Variants in DENND2A observed in about 807,000 individuals in gnomAD.
The protein encoded by DENND2A is DENN domain containing 2A.
In DENND2A, 53 loss-of-function variants were observed where a neutral mutation model predicts 105.3. The observed-to-expected ratio is 0.50, with a 90% CI of 0.40 to 0.63. The LOEUF is 0.63. Among genes scored for constraint, DENND2A ranks in the 30% least tolerant of loss-of-function variants. The pLI is 0.00. For synonymous variants in DENND2A, 522 were observed against 508.4 expected (o/e 1.03, Z -0.36); for missense variants, 1,138 against 1,279.6 (o/e 0.89, Z 1.69).
At chr7:140,520,803 C>T (rs1010163232) in intron 18 of DENND2A, among the ~76,000 whole-genome samples, 4 of 151,848 alleles carry the variant, frequency 2.6e-5, no homozygotes, top group African/African-American at 9.7e-5. Flanking sequence ...AGGTGATCTG[C>T]CCGCCTCGGC....
intron 14 of DENND2A, among the ~76,000 whole-genome samples, chr7:140,528,820 A>C (rs1315698853): frequency 6.6e-6 from 1 of 151,040 alleles, no homozygotes; most frequent in African/African-American, 2.4e-5. Context: ...ATTTTTAAAA[A>C]TAATAACATT....
At chr7:140,613,421 T>C (rs1270350565) in intron 1 of DENND2A, among the ~76,000 whole-genome samples, 1 of 151,180 alleles carries the variant, frequency 6.6e-6, no homozygotes, top group Non-Finnish European at 1.5e-5. Context: ...GCACCTGTAG[T>C]CCCAGCTACT....
intron 1 of DENND2A, among the ~76,000 whole-genome samples, chr7:140,613,276 A>C (rs1189304837): frequency 6.6e-6 from 1 of 152,030 alleles, no homozygotes; most frequent in African/African-American, 2.4e-5. Flanking sequence ...GCAGTGGCTC[A>C]CGCCTGTAAT....
Position 140,544,702 on chromosome 7 carries a change from G to A in DENND2A, c.2243C>T (p.Ser748Phe), listed in dbSNP as rs747537181. The change falls in exon 14 of 20, where the codon TCC becomes TTC. Residue 748 changes from serine (S) to phenylalanine (F), a missense_variant. Ser to Phe is a radical substitution (Grantham distance 155). Coordinates refer to ENST00000496613, the MANE Select transcript of DENND2A (RefSeq NM_015689.5). ...GACCAGGTGGCGGACGCTGAGGGAG[G>A]AGAAGAGAGACTCAAAGTCCACGTG... ...LEHVDFESLF[S>F]SLSVRHLVCV... is the part of the protein sequence containing the mutation. 1.2e-6 allele frequency: 2 copies of A among 1,613,232 alleles called. No individual in the cohort carries two copies. Among genetic ancestry groups the A allele is most frequent in the East Asian group, 2.2e-5 (1 of 44,850 alleles).
chr7:140,524,528 G>GCA (rs1554458490), intron 16 of DENND2A, among the ~76,000 whole-genome samples: 5 of 151,898 alleles, frequency 3.3e-5, no homozygotes, highest in East Asian at 1.9e-4. Flanking sequence ...ACGTGCGTGC[G>GCA]CGCACACACG....
In DENND2A at chr7:140,518,532, C is replaced by T. The variant is rs114080575; in HGVS notation, c.*175G>A. The T allele has an allele frequency of 2.3e-3, 1,245 of 542,256 alleles. 10 individuals carry two copies. Among genetic ancestry groups the T allele is most frequent in the African/African-American group, 0.02 (1,020 of 51,306 alleles). 33.6% of individuals were successfully genotyped at this position (542,256 alleles called of 1,614,324 possible). ...CGGGCTCCCTTTCTGGGGCTGTCCT[C>T]CCAGGCGGCTCCCAGGTCCTCATCC... On this transcript the variant is annotated 3_prime_UTR_variant, in exon 20 of 20. Coordinates refer to ENST00000496613, the MANE Select transcript of DENND2A (RefSeq NM_015689.5).
Position 140,568,775 on chromosome 7 carries a change from C to T in DENND2A, c.1579G>A (p.Glu527Lys). Residue 527 changes from glutamate (E) to lysine (K), a missense_variant, in exon 8 of 20, where the codon GAG becomes AAG. Glu to Lys is a moderately conservative substitution (Grantham distance 56). Around this residue, in one of 2 missense-constraint regions of DENND2A, gnomAD observed 627 missense variants for 779.8 expected, o/e 0.80. Transcript: ENST00000496613. Reference sequence around the variant, plus strand: ...TGGCTCTCCTCACCTTTCAGCTTCTCCTCTGTGTCACTGTCAGACTCACTG... The same window carrying T: ...TGGCTCTCCTCACCTTTCAGCTTCTTCTCTGTGTCACTGTCAGACTCACTG... ...ENSESDSDTE[E>K]KLKAHSQRLV... 1 of 1,614,186 alleles carries T rather than the reference C, an allele frequency of 6.2e-7. No homozygotes were observed. The highest frequency in any genetic ancestry group is 8.5e-7 in the Non-Finnish European group (1 of 1,180,024).
chr7:140,556,998 C>A (rs1175399599), intron 11 of DENND2A, among the ~76,000 whole-genome samples: 2 of 152,008 alleles, frequency 1.3e-5, no homozygotes, highest in African/African-American at 4.8e-5. Context: ...TCCTTAGCAA[C>A]CATTCTGAAT....
chr7:140,569,767 G>T, intron 6 of DENND2A, 29 bp from the exon 7 acceptor site: 2 of 1,499,028 alleles, frequency 1.3e-6, no homozygotes, highest in Non-Finnish European at 1.9e-6. Flanking sequence ...AGAACAGCCA[G>T]TGTTAGCAGC....
intron 1 of DENND2A, among the ~76,000 whole-genome samples, chr7:140,639,278 G>A (rs535203687): frequency 2.5e-5 from 3 of 121,622 alleles, no homozygotes; most frequent in East Asian, 3.9e-4. Flanking sequence ...CTTGAACTCC[G>A]GGGGCTGAGG....
chr7:140,626,641 G>A (rs1450975723), intron 1 of DENND2A, among the ~76,000 whole-genome samples: 1 of 152,098 alleles, frequency 6.6e-6, no homozygotes, highest in Non-Finnish European at 1.5e-5. Context: ...TTGCCTTCCT[G>A]TCCTCCTCTT....
At chr7:140,632,414 C>T (rs1800763447) in intron 1 of DENND2A, among the ~76,000 whole-genome samples, 2 of 152,112 alleles carry the variant, frequency 1.3e-5, no homozygotes, top group Admixed American at 6.6e-5. Context: ...GGTACCAAAT[C>T]ACTTCTGGCT....
intron 18 of DENND2A, among the ~76,000 whole-genome samples, chr7:140,520,338 C>G (rs1037114508): frequency 6.6e-6 from 1 of 151,726 alleles, no homozygotes; most frequent in East Asian, 1.9e-4. Flanking sequence ...ACCGGACTGT[C>G]CTGGCTTGGG....
At chr7:140,615,282 AAGAC>A in intron 1 of DENND2A, among the ~76,000 whole-genome samples, 1 of 152,370 alleles carries the variant, frequency 6.6e-6, no homozygotes. Context: ...CATTTGGAAG[AAGAC>A]AGAGGAATCT....
rs1353793786 is a variant in DENND2A, at chr7:140,546,862, G to A, written c.2115C>T (p.Ala705=). The A allele has an allele frequency of 1.9e-6, 3 of 1,614,058 alleles. No individual in the cohort carries two copies. The African/African-American group carries it at 4.0e-5, about 22-fold the overall frequency. The change falls in exon 13 of 20, where the codon GCC becomes GCT. Residue 705 remains alanine (A), a synonymous_variant. Transcript: ENST00000496613. ...VQPLMRSVME[A]PFPALGKTIL... is the part of the protein sequence containing the mutation. ...TGGTTTTGCCCAGGGCTGGGAAAGG[G>A]GCTTCCATGACACTTCTCATGAGTG...
At chr7:140,528,199 C>T (rs1385624379) in intron 14 of DENND2A, among the ~76,000 whole-genome samples, 1 of 152,138 alleles carries the variant, frequency 6.6e-6, no homozygotes, top group Non-Finnish European at 1.5e-5. Flanking sequence ...CCTACACAAA[C>T]AAAACAAAAA....
chr7:140,591,238 A>G (rs1563163399), intron 3 of DENND2A, among the ~76,000 whole-genome samples: 1 of 152,312 alleles, frequency 6.6e-6, no homozygotes, highest in East Asian at 1.9e-4. Context: ...CGGAGGATGC[A>G]GTGAGCCAAG....
chr7:140,619,095 G>C (rs1447496885), intron 1 of DENND2A, among the ~76,000 whole-genome samples: 1 of 152,162 alleles, frequency 6.6e-6, no homozygotes, highest in Non-Finnish European at 1.5e-5. Context: ...ACCGCGCCCG[G>C]CCTGATTATA....
intron 14 of DENND2A, among the ~76,000 whole-genome samples, chr7:140,535,257 A>G (rs1001907685): frequency 1.3e-5 from 2 of 152,150 alleles, no homozygotes; most frequent in East Asian, 3.9e-4. Flanking sequence ...TAGCTCTCCT[A>G]TTGGTGCTCC....
Sources: gnomAD v4.1 joint callset for allele counts (sites outside exome capture counted in the v4.1 genomes callset) on GRCh38, gnomAD v4.1.1 for gene constraint, gnomAD v4.1.1 regional missense constraint, MANE v1.5 for transcripts, NCBI Gene and HGNC (gene_info 2026-07-23, HGNC 2026-07-21) for gene names.